The following GXYLT2 variants were observed in gnomAD, a reference collection of about 807,000 sequenced individuals.
GXYLT2 encodes the protein glucoside xylosyltransferase 2.
Under a neutral mutation model 45.8 loss-of-function variants are expected in GXYLT2, and 53 were observed. The observed-to-expected ratio is 1.16, with a 90% CI of 0.93 to 1.46. The LOEUF is 1.46. GXYLT2 is among the 40% of genes most tolerant of loss of function. The pLI is 0.00. For synonymous variants in GXYLT2, 219 were observed against 214.2 expected, an observed-to-expected ratio of 1.02 and a Z score of -0.19; for missense variants, 551 against 544.4, an observed-to-expected ratio of 1.01 and a Z score of -0.12.
chr3:72,902,559 G>A (rs1709428189), intron 1 of GXYLT2, among the ~76,000 whole-genome samples: 1 of 152,118 alleles, frequency 6.6e-6, no homozygotes, highest in African/African-American at 2.4e-5. Flanking sequence ...AAGCTGAGCC[G>A]AGTGCAGTGG....
At position 72,922,975 on chromosome 3, in the gene GXYLT2, C is replaced by T. The variant is rs113044618; in HGVS notation, c.600+640C>T. Among the ~76,000 whole-genome samples, 479 of 151,944 alleles carry T rather than the reference C, an allele frequency of 3.2e-3. 5 individuals carry two copies. The highest frequency in any genetic ancestry group is 0.011 in the African/African-American group (448 of 41,424). ...CTCTACAAAAAATACAAAAATTAGG[C>T]GGGGTGTGTTGGCTTAGACCTATAA... On this transcript the variant is annotated intron_variant, in intron 3 of 6. Transcript: ENST00000389617.
Position 72,957,314 on chromosome 3 carries a change from A to G in GXYLT2, c.938A>G (p.Asp313Gly), listed in dbSNP as rs1190618774. ...TACAAGAATGCCATCACGTGGGGAGACCAGGATTTATTAAATATTATTTTT... is the reference window on the plus strand; with the variant it reads ...TACAAGAATGCCATCACGTGGGGAGGCCAGGATTTATTAAATATTATTTTT... ...QKYKNAITWG[D>G]QDLLNIIFYF... Residue 313 changes from aspartate (D) to glycine (G), a missense_variant, in exon 5 of 7, where the codon GAC becomes GGC. Coordinates refer to ENST00000389617, the MANE Select transcript of GXYLT2 (RefSeq NM_001080393.2). 2 of 1,613,036 alleles carry G rather than the reference A, an allele frequency of 1.2e-6. No individual in the cohort carries two copies. The highest frequency in any genetic ancestry group is 1.7e-5 in the Admixed American group (1 of 59,900).
intron 1 of GXYLT2, among the ~76,000 whole-genome samples, chr3:72,904,155 C>T (rs2107073141): frequency 6.6e-6 from 1 of 152,350 alleles, no homozygotes; most frequent in Admixed American, 6.5e-5. Context: ...ACGTTATTAA[C>T]CATCAGTCAC....
At chr3:72,893,079 G>A (rs1430005769) in intron 1 of GXYLT2, among the ~76,000 whole-genome samples, 3 of 151,982 alleles carry the variant, frequency 2.0e-5, no homozygotes, top group Non-Finnish European at 4.4e-5. Context: ...TTTTCCTTAC[G>A]GCCGCTTCAA....
chr3:72,967,646 T>C lies in GXYLT2; in HGVS notation c.1076T>C (p.Leu359Pro), dbSNP rs1178238337. 6.2e-7 allele frequency: 1 copy of C among 1,613,984 alleles called. No individual in the cohort carries two copies. Among genetic ancestry groups the C allele is most frequent in the Non-Finnish European group, 8.5e-7 (1 of 1,179,866 alleles). Residue 359 changes from leucine (L) to proline (P), a missense_variant, in exon 6 of 7, where the codon CTG becomes CCG. Coordinates refer to ENST00000389617, the MANE Select transcript of GXYLT2 (RefSeq NM_001080393.2). ...REAEHEGVSV[L>P]HGNRGVYHDD... is the part of the protein sequence containing the mutation. ...GCTGAGCATGAAGGTGTGTCTGTTCTGCATGGAAACCGAGGCGTCTACCAT... is the reference window on the plus strand; with the variant it reads ...GCTGAGCATGAAGGTGTGTCTGTTCCGCATGGAAACCGAGGCGTCTACCAT...
chr3:72,965,299 G>T (rs1181807882), intron 5 of GXYLT2, among the ~76,000 whole-genome samples: 2 of 152,182 alleles, frequency 1.3e-5, no homozygotes, highest in African/African-American at 4.8e-5. Context: ...TTCATTATTT[G>T]CTTTCCATCT....
At chr3:72,954,307 C>A (rs1710584758) in intron 3 of GXYLT2, among the ~76,000 whole-genome samples, 1 of 151,366 alleles carries the variant, frequency 6.6e-6, no homozygotes, top group Non-Finnish European at 1.5e-5. Context: ...AGGGTTTCAA[C>A]ATGTTGGCCA....
intron 3 of GXYLT2, chr3:72,927,077 A>G (rs1352659069): frequency 6.6e-6 from 1 of 152,228 alleles, no homozygotes; most frequent in African/African-American, 2.4e-5. Context: ...AGCTGGGACC[A>G]CAGGTACACA....
intron 3 of GXYLT2, among the ~76,000 whole-genome samples, chr3:72,951,711 G>T (rs1710529705): frequency 6.6e-6 from 1 of 152,164 alleles, no homozygotes; most frequent in Admixed American, 6.6e-5. Context: ...AAATGAGCAT[G>T]CTGAAACTTT....
chr3:72,948,890 G>T (rs900779965), intron 3 of GXYLT2, among the ~76,000 whole-genome samples: 1 of 151,822 alleles, frequency 6.6e-6, no homozygotes, highest in Non-Finnish European at 1.5e-5. Context: ...GTGGATTGGA[G>T]GGGGCAAGTG....
chr3:72,895,643 C>T (rs1271374202), intron 1 of GXYLT2, among the ~76,000 whole-genome samples: 1 of 152,062 alleles, frequency 6.6e-6, no homozygotes, highest in East Asian at 1.9e-4. Context: ...CACAATTTTA[C>T]AAATAATAAA....
Position 72,888,166 on chromosome 3 carries a change from C to CCTG in GXYLT2, c.-66_-64dup. On this transcript the variant is annotated 5_prime_UTR_variant, in exon 1 of 7. Transcript: ENST00000389617. ...GACCGCCGCGCGCTGCTGCACTCAT[C>CCTG]CTGCCGCCGCCGCGATGCGCAGAGG... is the stretch of plus-strand genomic sequence containing the variant. The CCTG allele has an allele frequency of 1.0e-6, 1 of 972,800 alleles. No homozygotes were observed. Among genetic ancestry groups the CCTG allele is most frequent in the Non-Finnish European group, 1.2e-6 (1 of 820,298 alleles). The allele number at this position is 972,800 out of a possible 1,614,324, so 60.3% of individuals were successfully genotyped here.
chr3:72,911,137 C>G (rs1709610931), intron 2 of GXYLT2, among the ~76,000 whole-genome samples: 1 of 152,070 alleles, frequency 6.6e-6, no homozygotes, highest in Non-Finnish European at 1.5e-5. Flanking sequence ...ACTAAAAATA[C>G]AAAAATTAGC....
At position 72,976,472 on chromosome 3, in the gene GXYLT2, C is replaced by T. The variant is rs1015656918; in HGVS notation, c.*1313C>T. 1.3e-5 allele frequency: 2 copies of T among 152,174 alleles called. No individual in the cohort carries two copies. The highest frequency in any genetic ancestry group is 4.8e-5 in the African/African-American group (2 of 41,428). The allele number at this position is 152,174 out of a possible 1,614,324, so 9.4% of individuals were successfully genotyped here. A position where few individuals can be genotyped will look rare whatever the true frequency, so the allele number is the denominator to read the frequency against. On this transcript the variant is annotated 3_prime_UTR_variant, in exon 7 of 7. Transcript: ENST00000389617. ...TTTAATGTGTAAAAAACAAATAGTT[C>T]AGCTGCTTCTATTGGTAAGAAAATT... is the stretch of plus-strand genomic sequence containing the variant.
intron 1 of GXYLT2, among the ~76,000 whole-genome samples, chr3:72,900,188 T>C (rs183651759): frequency 3.3e-5 from 5 of 152,376 alleles, no homozygotes; most frequent in African/African-American, 1.2e-4. Flanking sequence ...TCATTATTTA[T>C]ACACTCCAGA....
intron 3 of GXYLT2, among the ~76,000 whole-genome samples, chr3:72,937,907 CTT>C (rs914112432): frequency 6.6e-6 from 1 of 152,178 alleles, no homozygotes; most frequent in Non-Finnish European, 1.5e-5. Context: ...ATACTACACA[CTT>C]TACTCATTTA....
intron 3 of GXYLT2, among the ~76,000 whole-genome samples, chr3:72,926,079 A>G (rs2107106484): frequency 6.6e-6 from 1 of 152,322 alleles, no homozygotes; most frequent in South Asian, 2.1e-4. Context: ...CTGCCTCAGG[A>G]GCACAGAGAA....
At chr3:72,922,183 C>T (rs1709843118) in intron 2 of GXYLT2, 21 bp from the exon 3 acceptor site, 1 of 1,609,566 alleles carries the variant, frequency 6.2e-7, no homozygotes, top group African/African-American at 1.3e-5. Flanking sequence ...TCACCCTTCC[C>T]TTGCTTCCCA....
chr3:72,939,573 A>G (rs558982998), intron 3 of GXYLT2, among the ~76,000 whole-genome samples: 6 of 152,298 alleles, frequency 3.9e-5, no homozygotes, highest in African/African-American at 1.4e-4. Context: ...GCAGCATCAA[A>G]CAGAATGTTC....
Sources: allele counts gnomAD v4.1 joint callset (sites outside exome capture counted in the v4.1 genomes callset), GRCh38; gene constraint gnomAD v4.1.1; transcripts MANE v1.5; gene names NCBI Gene and HGNC (gene_info 2026-07-23, HGNC 2026-07-21).